Variants in SF3A3 observed in about 807,000 individuals in gnomAD.
The protein encoded by SF3A3 is splicing factor 3a subunit 3.
Under a neutral mutation model 85.8 loss-of-function variants are expected in SF3A3, and 9 were observed. The observed-to-expected ratio is 0.10, with a 90% confidence interval of 0.06 to 0.18. SF3A3 has a LOEUF of 0.18. Ranked by LOEUF, SF3A3 falls within the 10% of genes least tolerant of loss-of-function variation. The pLI is 1.00. For synonymous variants in SF3A3, 195 were observed against 204.4 expected (o/e 0.95, Z 0.39); for missense variants, 306 against 593.3 (o/e 0.52, Z 5.03).
chr1:37,980,840 T>TA, intron 7 of SF3A3, 116 bp from the exon 8 acceptor site: 3 of 283,902 alleles, frequency 1.1e-5, no homozygotes, highest in Non-Finnish European at 1.8e-5. Context: ...TTTTTAATAC[T>TA]CTTTTTTTTT....
chr1:37,967,933 T>C (rs1646314304), intron 15 of SF3A3, 111 bp downstream of exon 15: 2 of 699,502 alleles, frequency 2.9e-6, no homozygotes, highest in Non-Finnish European at 5.3e-6. Context: ...AGATTTTACA[T>C]ATCCACAACC....
chr1:37,977,740 G>C lies in SF3A3; in HGVS notation c.936-787C>G, dbSNP rs189039705. On this transcript the variant is annotated intron_variant, in intron 11 of 16. Coordinates refer to ENST00000373019, the MANE Select transcript of SF3A3 (RefSeq NM_006802.4). Reference sequence around the variant, plus strand: ...GGTAATCTCAGCTACTCGGGAGAGTGAGGCAGGAAAATCGCTTCAAGCAGG... The same window carrying C: ...GGTAATCTCAGCTACTCGGGAGAGTCAGGCAGGAAAATCGCTTCAAGCAGG... 1.5e-4 allele frequency among the ~76,000 whole-genome samples: 23 copies of C among 152,180 alleles called. No individual in the cohort carries two copies. In the East Asian group the frequency reaches 4.3e-3, roughly 28 times the overall value.
intron 6 of SF3A3, among the ~76,000 whole-genome samples, chr1:37,983,326 A>G (rs927681263): frequency 6.6e-6 from 1 of 151,352 alleles, no homozygotes; most frequent in African/African-American, 2.4e-5. Flanking sequence ...GCTTCCGTCT[A>G]TAATCCCAAC....
chr1:37,982,817 G>T (rs1222272008), intron 6 of SF3A3, among the ~76,000 whole-genome samples: 2 of 152,146 alleles, frequency 1.3e-5, no homozygotes, highest in Admixed American at 6.5e-5. Context: ...AAATCTGGGT[G>T]GGCACAGTGG....
intron 15 of SF3A3, among the ~76,000 whole-genome samples, chr1:37,965,823 T>TGGGG (rs1646295707): frequency 8.2e-5 from 1 of 12,222 alleles, no homozygotes; most frequent in African/African-American, 3.5e-4. Flanking sequence ...AATTTAACAG[T>TGGGG]GGGGGGTGGG....
At chr1:37,984,868 C>A (rs945095450) in intron 4 of SF3A3, 89 bp from the exon 5 acceptor site, 2 of 1,093,486 alleles carry the variant, frequency 1.8e-6, no homozygotes, top group African/African-American at 3.1e-5. Flanking sequence ...AGTGCACTGG[C>A]ACAATCTTGG....
chr1:37,983,586 C>CAAAAAAAAAAAAAAAAA (rs371317065), intron 6 of SF3A3, among the ~76,000 whole-genome samples: 965 of 38,404 alleles, frequency 0.025, 204 homozygotes, highest in East Asian at 0.1. Flanking sequence ...GACCCTGTCT[C>CAAAAAAAAAAAAAAAAA]AAAAAAAAAA....
Position 37,957,380 on chromosome 1 carries a change from C to T in SF3A3, c.*806G>A, listed in dbSNP as rs1452949174. 3 of 137,268 alleles carry T rather than the reference C, an allele frequency of 2.2e-5. No individual in the cohort carries two copies. The South Asian group carries it at 8.0e-4, about 36-fold the overall frequency. 8.5% of individuals were successfully genotyped at this position (137,268 alleles called of 1,614,324 possible). On this transcript the variant is annotated 3_prime_UTR_variant, in exon 17 of 17. Coordinates refer to ENST00000373019, the MANE Select transcript of SF3A3 (RefSeq NM_006802.4). ...CCATTCCAACACAGCCCAACTCCCC[C>T]CCCCCCCCCTTTTTTTTTTTTTGAG...
At position 37,958,943 on chromosome 1, in the gene SF3A3, G is replaced by A. The variant is rs145977890; in HGVS notation, c.1429-680C>T. Among the ~76,000 whole-genome samples the A allele has an allele frequency of 3.3e-3, 503 of 152,240 alleles. 2 individuals carry two copies. The highest frequency in any genetic ancestry group is 0.011 in the African/African-American group (476 of 41,550). ...AACAAGGACATCTCCCTGTCGCTATGAGAGTATCATCTCTCATTAGATGCT... is the reference window on the plus strand; with the variant it reads ...AACAAGGACATCTCCCTGTCGCTATAAGAGTATCATCTCTCATTAGATGCT... On this transcript the variant is annotated intron_variant, in intron 16 of 16. Coordinates refer to ENST00000373019, the MANE Select transcript of SF3A3 (RefSeq NM_006802.4).
intron 7 of SF3A3, 49 bp from the exon 8 acceptor site, chr1:37,980,773 TG>T (rs756087833): frequency 5.9e-6 from 9 of 1,519,208 alleles, no homozygotes; most frequent in Admixed American, 3.6e-5. Context: ...TTTCTATTTT[TG>T]GTATCTTGTT....
chr1:37,979,717 C>G (rs1646403415), intron 8 of SF3A3, among the ~76,000 whole-genome samples, 184 bp from the exon 9 acceptor site: 1 of 151,996 alleles, frequency 6.6e-6, no homozygotes, highest in African/African-American at 2.4e-5. Flanking sequence ...ATTAGCTGGG[C>G]ATGATGGCAT....
rs750837807 is a variant in SF3A3, at chr1:37,984,191, T to C, written c.446A>G (p.Tyr149Cys). 6 of 1,606,992 alleles carry C rather than the reference T, an allele frequency of 3.7e-6. No homozygotes were observed. Among genetic ancestry groups the C allele is most frequent in the Middle Eastern group, 1.7e-4 (1 of 6,048 alleles). Reference sequence around the variant, plus strand: ...TACCTCAGATGCCTTCAGGTTAATGTACTTGAGGTAACAGTCATGGAGATC... The same window carrying C: ...TACCTCAGATGCCTTCAGGTTAATGCACTTGAGGTAACAGTCATGGAGATC... ...YLDLHDCYLK[Y>C]INLKASEKLD... is the part of the protein sequence containing the mutation. The change falls in exon 6 of 17, where the codon TAC (tyrosine) becomes TGC (cysteine). Residue 149 changes from tyrosine (Y) to cysteine (C), a missense_variant. Around this residue, in one of 4 missense-constraint regions of SF3A3, gnomAD observed 152 missense variants for 192.0 expected, o/e 0.79. Coordinates refer to ENST00000373019, the MANE Select transcript of SF3A3 (RefSeq NM_006802.4).
intron 4 of SF3A3, 97 bp downstream of exon 4, chr1:37,987,475 GA>G: frequency 2.4e-6 from 2 of 849,152 alleles, no homozygotes; most frequent in Non-Finnish European, 3.9e-6. Context: ...GTTCTTTCTT[GA>G]AGTGCATTTG....
intron 15 of SF3A3, among the ~76,000 whole-genome samples, chr1:37,964,557 G>A (rs973776018): frequency 6.6e-6 from 1 of 152,108 alleles, no homozygotes; most frequent in Admixed American, 6.6e-5. Flanking sequence ...GCAGTGAGCT[G>A]AGATCACGCC....
chr1:37,986,194 C>T (rs1328404618), intron 4 of SF3A3, among the ~76,000 whole-genome samples: 3 of 152,070 alleles, frequency 2.0e-5, no homozygotes, highest in African/African-American at 4.8e-5. Flanking sequence ...ATGATCGACC[C>T]GCCTCGGCCT....
At chr1:37,959,372 C>A (rs2148713504) in intron 16 of SF3A3, among the ~76,000 whole-genome samples, 1 of 152,140 alleles carries the variant, frequency 6.6e-6, no homozygotes, top group Middle Eastern at 3.4e-3. Context: ...AACTGCTGCA[C>A]CTGGCCCATT....
intron 15 of SF3A3, among the ~76,000 whole-genome samples, chr1:37,964,903 A>G (rs1326916469): frequency 6.6e-6 from 1 of 152,186 alleles, no homozygotes; most frequent in Non-Finnish European, 1.5e-5. Context: ...TCATGCCTAT[A>G]ATCCTAGCAC....
At chr1:37,978,428 T>C (rs1477559262) in intron 11 of SF3A3, among the ~76,000 whole-genome samples, 1 of 151,010 alleles carries the variant, frequency 6.6e-6, no homozygotes, top group Non-Finnish European at 1.5e-5. Flanking sequence ...CTTAGAAAAA[T>C]AGGTTTTGAA....
intron 15 of SF3A3, among the ~76,000 whole-genome samples, chr1:37,962,476 G>A (rs1309267642): frequency 6.6e-6 from 1 of 151,368 alleles, no homozygotes; most frequent in Non-Finnish European, 1.5e-5. Context: ...GGTGGTGCAT[G>A]CCTGTAATCC....
Sources: allele counts gnomAD v4.1 joint callset (sites outside exome capture counted in the v4.1 genomes callset), GRCh38; gene constraint gnomAD v4.1.1; regional missense constraint gnomAD v4.1.1; transcripts MANE v1.5; gene names NCBI Gene and HGNC (gene_info 2026-07-23, HGNC 2026-07-21).